The following OR51B5 variants were observed in gnomAD, a reference collection of about 807,000 sequenced individuals.
OR51B5 encodes olfactory receptor 51B5.
For missense variants in OR51B5, 456 were observed against 374.6 expected (o/e 1.22, Z -1.79); for synonymous variants, 186 against 144.8 (o/e 1.28, Z -2.04).
intron 1 of OR51B5, among the ~76,000 whole-genome samples, chr11:5,448,826 A>T (rs1235510083): frequency 1.3e-5 from 2 of 152,364 alleles, no homozygotes; most frequent in Middle Eastern, 6.8e-3. Context: ...TGAATGCTGG[A>T]AAGTTTGACT....
chr11:5,490,184 G>T (rs1432531805), intron 1 of OR51B5, among the ~76,000 whole-genome samples: 1 of 152,080 alleles, frequency 6.6e-6, no homozygotes, highest in Non-Finnish European at 1.5e-5. Context: ...GTTAAATGGG[G>T]ATAAAAATAA....
chr11:5,392,803 T>C (rs1285672283), intron 1 of OR51B5: 1 of 152,080 alleles, frequency 6.6e-6, no homozygotes, highest in African/African-American at 2.4e-5. Context: ...TCCCAGCTAC[T>C]CAGGAGGCTG....
At position 5,407,367 on chromosome 11, in the gene OR51B5, T is replaced by A. The variant is rs137949740; in HGVS notation, n.85-60457A>T. On this transcript the variant is annotated intron_variant and non_coding_transcript_variant, in intron 1 of 4. Transcript: ENST00000415970. ...TCCACATGGTATCATCCCCTCTTCC[T>A]GAGTTTCAGCTGCCTTAAATACATG... 3.0e-4 allele frequency among the ~76,000 whole-genome samples: 46 copies of A among 152,320 alleles called. No individual in the cohort carries two copies. The East Asian group carries it at 8.9e-3, about 29-fold the overall frequency.
At chr11:5,449,961 C>A (rs1402117106) in intron 1 of OR51B5, among the ~76,000 whole-genome samples, 1 of 152,162 alleles carries the variant, frequency 6.6e-6, no homozygotes, top group Non-Finnish European at 1.5e-5. Context: ...CTGTACATTC[C>A]TCCAGCCTCT....
At chr11:5,451,764 T>C (rs1034507790) in intron 1 of OR51B5, among the ~76,000 whole-genome samples, 4 of 152,062 alleles carry the variant, frequency 2.6e-5, no homozygotes, top group Non-Finnish European at 5.9e-5. Context: ...TGTTAGAGGT[T>C]GGAGAGGAAA....
At chr11:5,499,182 A>G in intron 1 of OR51B5, among the ~76,000 whole-genome samples, 1 of 139,000 alleles carries the variant, frequency 7.2e-6, no homozygotes, top group East Asian at 2.1e-4. Flanking sequence ...TCTATGAAAA[A>G]TTGGCCCCAG....
At chr11:5,393,497 T>C (rs1396712033) in intron 1 of OR51B5, among the ~76,000 whole-genome samples, 1 of 152,150 alleles carries the variant, frequency 6.6e-6, no homozygotes, top group African/African-American at 2.4e-5. Flanking sequence ...GATTTCTCTA[T>C]CTTTGCCGTA....
At chr11:5,490,993 C>T (rs1395319332) in intron 1 of OR51B5, among the ~76,000 whole-genome samples, 5 of 152,202 alleles carry the variant, frequency 3.3e-5, no homozygotes, top group African/African-American at 1.2e-4. Context: ...GAATTGATAA[C>T]CATTTTAATA....
At chr11:5,483,021 G>T (rs1564828730) in intron 1 of OR51B5, among the ~76,000 whole-genome samples, 1 of 138,136 alleles carries the variant, frequency 7.2e-6, no homozygotes, top group Non-Finnish European at 1.6e-5. Context: ...ATACCCAAAG[G>T]ACTATAAATC....
chr11:5,404,483 G>C (rs7483040), intron 1 of OR51B5, among the ~76,000 whole-genome samples: 3 of 151,864 alleles, frequency 2.0e-5, no homozygotes, highest in African/African-American at 7.3e-5. Flanking sequence ...AAATCCCACC[G>C]ATCAGCACTC....
intron 1 of OR51B5, among the ~76,000 whole-genome samples, chr11:5,376,177 T>C (rs1302119001): frequency 2.0e-5 from 3 of 151,808 alleles, no homozygotes; most frequent in African/African-American, 7.3e-5. Context: ...ACCACTCAAC[T>C]ACATGGAAAC....
chr11:5,413,681 C>G (rs980048985), intron 1 of OR51B5, among the ~76,000 whole-genome samples: 19 of 151,990 alleles, frequency 1.3e-4, no homozygotes, highest in Non-Finnish European at 2.5e-4. Flanking sequence ...GAAAGGGTAT[C>G]AGTGATGGAA....
At chr11:5,376,575 T>A (rs1264096219) in intron 1 of OR51B5, among the ~76,000 whole-genome samples, 3 of 150,346 alleles carry the variant, frequency 2.0e-5, no homozygotes, top group African/African-American at 7.3e-5. Context: ...GCAAGACTAA[T>A]AAGAAAAGAG....
At chr11:5,422,422 T>C in intron 1 of OR51B5, 1 of 1,614,096 alleles carries the variant, frequency 6.2e-7, no homozygotes, top group Non-Finnish European at 8.5e-7. Flanking sequence ...CGGACCTGGG[T>C]CTCACCCTCA....
intron 1 of OR51B5, among the ~76,000 whole-genome samples, chr11:5,417,121 C>A (rs1224510335): frequency 2.1e-4 from 32 of 151,980 alleles, no homozygotes; most frequent in African/African-American, 1.5e-4. Flanking sequence ...AGAAATAACA[C>A]CGCATATCTG....
chr11:5,409,050 C>G (rs1460510132), intron 1 of OR51B5, among the ~76,000 whole-genome samples: 3 of 152,052 alleles, frequency 2.0e-5, no homozygotes, highest in Non-Finnish European at 2.9e-5. Flanking sequence ...AAGGGATGCC[C>G]TGACTTCTAA....
At chr11:5,365,105 G>C (rs1213914425) in intron 1 of OR51B5, among the ~76,000 whole-genome samples, 1 of 152,162 alleles carries the variant, frequency 6.6e-6, no homozygotes, top group Admixed American at 6.5e-5. Context: ...TAATAACCTT[G>C]AATTCAAGTG....
At chr11:5,446,250 TA>T (rs1181210654) in intron 1 of OR51B5, among the ~76,000 whole-genome samples, 22 of 151,622 alleles carry the variant, frequency 1.5e-4, no homozygotes, top group Non-Finnish European at 2.8e-4. Context: ...ACTTAAAGTA[TA>T]ATAAAAATAC....
chr11:5,477,819 C>T (rs548971377), intron 1 of OR51B5, among the ~76,000 whole-genome samples: 2 of 152,192 alleles, frequency 1.3e-5, no homozygotes, highest in Non-Finnish European at 2.9e-5. Flanking sequence ...TAAAAAACGG[C>T]GCACCATGAG....
Sources: gnomAD v4.1 joint callset for allele counts (sites outside exome capture counted in the v4.1 genomes callset) on GRCh38, gnomAD v4.1.1 for gene constraint, MANE v1.5 for transcripts, NCBI Gene and HGNC (gene_info 2026-07-23, HGNC 2026-07-21) for gene names.